Variants in DCC observed in about 807,000 individuals in gnomAD.
DCC encodes DCC netrin 1 receptor.
DCC carries 58 observed loss-of-function variants against 172.5 expected under a neutral mutation model. The observed-to-expected ratio is 0.34, with a 90% CI of 0.27 to 0.42. DCC has a LOEUF of 0.42. Ranked by LOEUF, DCC falls within the 10% of genes least tolerant of loss-of-function variation. The pLI is 1.00. For synonymous variants in DCC, 709 were observed against 644.5 expected (o/e 1.10, Z -1.52); for missense variants, 1,740 against 1,791.0 (o/e 0.97, Z 0.51).
At chr18:53,295,810 G>A (rs577842047) in intron 12 of DCC, among the ~76,000 whole-genome samples, 68 of 152,168 alleles carry the variant, frequency 4.5e-4, no homozygotes, top group East Asian at 1.2e-3. Flanking sequence ...ATTATCTACC[G>A]TGTTGCCTAT....
chr18:52,512,686 A>G (rs1251825547), intron 1 of DCC, among the ~76,000 whole-genome samples: 2 of 152,168 alleles, frequency 1.3e-5, no homozygotes, highest in Non-Finnish European at 2.9e-5. Context: ...TGGAGCTTAC[A>G]TCTTAGTGAA....
At chr18:53,316,452 A>T (rs192803011) in intron 13 of DCC, among the ~76,000 whole-genome samples, 35 of 150,566 alleles carry the variant, frequency 2.3e-4, no homozygotes, top group African/African-American at 8.7e-4. Flanking sequence ...TTTTGAAACC[A>T]TATGAAATTT....
At chr18:53,035,398 A>G (rs1427249038) in intron 5 of DCC, among the ~76,000 whole-genome samples, 2 of 152,138 alleles carry the variant, frequency 1.3e-5, no homozygotes, top group African/African-American at 4.8e-5. Flanking sequence ...TTTTAAGGTC[A>G]AGATTTTAGA....
chr18:52,890,594 C>A (rs538629541), intron 2 of DCC, among the ~76,000 whole-genome samples: 2 of 152,186 alleles, frequency 1.3e-5, no homozygotes, highest in South Asian at 4.1e-4. Flanking sequence ...TGAAGACATA[C>A]CTCACATATC....
chr18:53,492,156 A>ATT (rs535923123), intron 26 of DCC, among the ~76,000 whole-genome samples: 2 of 150,204 alleles, frequency 1.3e-5, no homozygotes, highest in African/African-American at 2.4e-5. Context: ...TTTTGATGGG[A>ATT]TTTTTTTTTA....
chr18:52,343,803 C>T (rs1983760604), intron 1 of DCC, among the ~76,000 whole-genome samples: 1 of 152,344 alleles, frequency 6.6e-6, no homozygotes, highest in Middle Eastern at 3.4e-3. Flanking sequence ...CCTCCCTAGG[C>T]GACCTCTTCT....
intron 3 of DCC, among the ~76,000 whole-genome samples, chr18:52,917,369 G>C (rs2040058234): frequency 6.6e-6 from 1 of 152,070 alleles, no homozygotes; most frequent in African/African-American, 2.4e-5. Context: ...AATCTGTTTT[G>C]ATTTTTAGTA....
intron 2 of DCC, among the ~76,000 whole-genome samples, chr18:52,834,487 A>T (rs1372289434): frequency 6.6e-6 from 1 of 152,170 alleles, no homozygotes; most frequent in African/African-American, 2.4e-5. Context: ...CTTGAGAACC[A>T]CTAATCCCAG....
chr18:53,173,142 C>A (rs901552704), intron 8 of DCC, among the ~76,000 whole-genome samples: 2 of 152,056 alleles, frequency 1.3e-5, no homozygotes, highest in African/African-American at 2.4e-5. Flanking sequence ...ATTTGCTGAC[C>A]TAAATGATCT....
intron 1 of DCC, among the ~76,000 whole-genome samples, chr18:52,365,653 T>A (rs1024264052): frequency 6.6e-6 from 1 of 152,210 alleles, no homozygotes; most frequent in African/African-American, 2.4e-5. Context: ...GTCCTCCTTC[T>A]CCACTGTAGT....
At chr18:52,909,112 G>A (rs1356079629) in intron 3 of DCC, among the ~76,000 whole-genome samples, 3 of 152,126 alleles carry the variant, frequency 2.0e-5, no homozygotes, top group Non-Finnish European at 4.4e-5. Flanking sequence ...TGAATGAATG[G>A]CAAATCTCTG....
intron 6 of DCC, among the ~76,000 whole-genome samples, chr18:53,064,866 A>C (rs2042544595): frequency 6.6e-6 from 1 of 152,158 alleles, no homozygotes; most frequent in Non-Finnish European, 1.5e-5. Flanking sequence ...AATATATGCT[A>C]CTTACACTTA....
At chr18:53,147,336 G>A (rs1271248757) in intron 7 of DCC, among the ~76,000 whole-genome samples, 1 of 152,048 alleles carries the variant, frequency 6.6e-6, no homozygotes, top group Non-Finnish European at 1.5e-5. Context: ...AAATATAGAG[G>A]CCTGGATGGT....
intron 21 of DCC, 75 bp downstream of exon 21, chr18:53,416,231 T>C (rs758608157): frequency 1.9e-6 from 2 of 1,043,572 alleles, no homozygotes; most frequent in Admixed American, 1.7e-5. Context: ...CATTACTTTA[T>C]ATTCCTCTTT....
At chr18:53,301,533 A>T (rs189375889) in intron 12 of DCC, among the ~76,000 whole-genome samples, 1 of 152,234 alleles carries the variant, frequency 6.6e-6, no homozygotes, top group Non-Finnish European at 1.5e-5. Context: ...TAAGTTAAAT[A>T]ATACTAACAA....
intron 8 of DCC, among the ~76,000 whole-genome samples, chr18:53,165,644 G>A (rs974749052): frequency 2.0e-5 from 3 of 152,134 alleles, no homozygotes; most frequent in African/African-American, 4.8e-5. Context: ...AGAGAATAAT[G>A]ATTTTATTTC....
At chr18:53,150,497 A>T (rs1431798797) in intron 7 of DCC, among the ~76,000 whole-genome samples, 2 of 152,204 alleles carry the variant, frequency 1.3e-5, no homozygotes, top group African/African-American at 4.8e-5. Context: ...TCCTTCTTTC[A>T]CAGAGCATAC....
chr18:53,047,218 G>A (rs1355728664), intron 5 of DCC, among the ~76,000 whole-genome samples: 2 of 82,022 alleles, frequency 2.4e-5, no homozygotes, highest in African/African-American at 4.7e-5. Flanking sequence ...ATCCTGGTGA[G>A]CCATCCCTGC....
At chr18:52,660,533 C>A (rs1349928359) in intron 1 of DCC, among the ~76,000 whole-genome samples, 2 of 152,128 alleles carry the variant, frequency 1.3e-5, no homozygotes, top group East Asian at 1.9e-4. Context: ...AAGAATGAAT[C>A]TGAGGGAGTA....
Sources: allele counts gnomAD v4.1 joint callset (sites outside exome capture counted in the v4.1 genomes callset), GRCh38; gene constraint gnomAD v4.1.1; transcripts MANE v1.5; gene names NCBI Gene and HGNC (gene_info 2026-07-23, HGNC 2026-07-21).